The following WNT5A variants were observed in gnomAD, a reference collection of about 807,000 sequenced individuals.
WNT5A encodes protein Wnt-5a.
In WNT5A, 9 loss-of-function variants were observed where a neutral mutation model predicts 42.1. The ratio of observed to expected loss-of-function variants is 0.21; its 90% CI spans 0.13 to 0.37. The LOEUF is 0.37. WNT5A is among the 10% of genes least tolerant of loss of function. The pLI, the probability that WNT5A is intolerant of heterozygous loss-of-function variation, is 1.00. For synonymous variants in WNT5A, 210 were observed against 210.0 expected (o/e 1.00, Z 0.00); for missense variants, 426 against 534.0 (o/e 0.80, Z 1.99).
chr3:55,473,340 T>A (rs1242299063), intron 4 of WNT5A, among the ~76,000 whole-genome samples: 1 of 152,186 alleles, frequency 6.6e-6, no homozygotes, highest in Non-Finnish European at 1.5e-5. Flanking sequence ...ACCAGAAAGT[T>A]CCTGGCACCT....
At chr3:55,488,201 G>T, upstream of WNT5A, 1 of 152,798 alleles carries the variant, frequency 6.5e-6, no homozygotes, top group South Asian at 1.9e-4. Flanking sequence ...AGGGCTCGCT[G>T]GGCAGCTGCC....
chr3:55,483,930 C>T lies in WNT5A; in HGVS notation c.7-3012G>A, dbSNP rs2051518552. Among the ~76,000 whole-genome samples the T allele has an allele frequency of 2.0e-5, 3 of 151,926 alleles. No individual in the cohort carries two copies. The highest frequency in any genetic ancestry group is 2.9e-5 in the Non-Finnish European group (2 of 67,994). ...GCAGCCGGATGCACACCTAAAGTCT[C>T]GCAACACCCAACTCCTCCTCCGCAG... On this transcript the variant is annotated intron_variant, in intron 1 of 4. Transcript: ENST00000264634. The surrounding 1 kb of genome is among the most constrained non-coding windows in gnomAD (Gnocchi z 4.2).
chr3:55,496,871 A>G, the WNT5A span, among the ~76,000 whole-genome samples: 1 of 152,250 alleles, frequency 6.6e-6, no homozygotes, highest in Non-Finnish European at 1.5e-5. Flanking sequence ...GCTACAAAAA[A>G]TAAATCGAAG....
the WNT5A span, among the ~76,000 whole-genome samples, chr3:55,498,971 G>A: frequency 2.0e-5 from 3 of 152,156 alleles, no homozygotes; most frequent in South Asian, 6.2e-4. Flanking sequence ...TTCTGACCTC[G>A]TTAGAGCCCT....
the WNT5A span, among the ~76,000 whole-genome samples, chr3:55,498,364 A>G: frequency 6.6e-6 from 1 of 152,196 alleles, no homozygotes; most frequent in African/African-American, 2.4e-5. Flanking sequence ...ATGGTGAACT[A>G]AATGAGCCGC....
chr3:55,486,323 T>G (rs1337517006), intron 1 of WNT5A, among the ~76,000 whole-genome samples: 1 of 152,056 alleles, frequency 6.6e-6, no homozygotes, highest in Non-Finnish European at 1.5e-5. Context: ...CGGCTAATAA[T>G]GCTAATAACG....
At chr3:55,496,031 C>T in the WNT5A span, among the ~76,000 whole-genome samples, 8 of 152,134 alleles carry the variant, frequency 5.3e-5, no homozygotes, top group South Asian at 2.1e-4. Context: ...AGAAATTTTA[C>T]GTTTTTTTGA....
the WNT5A span, among the ~76,000 whole-genome samples, chr3:55,495,608 C>T: frequency 3.9e-5 from 6 of 152,068 alleles, no homozygotes; most frequent in Admixed American, 2.6e-4. Context: ...AAGTTGATTC[C>T]ATATCTCCAT....
the WNT5A span, chr3:55,501,683 C>T: frequency 6.6e-6 from 1 of 152,152 alleles, no homozygotes; most frequent in Non-Finnish European, 1.5e-5. Flanking sequence ...GTTGTATAAT[C>T]CAAAGTCATC....
the WNT5A span, among the ~76,000 whole-genome samples, chr3:55,502,880 T>G: frequency 3.3e-5 from 5 of 152,356 alleles, no homozygotes; most frequent in South Asian, 6.2e-4. Flanking sequence ...CTATTCAAAC[T>G]GAAGGCTTAT....
At chr3:55,489,615 C>G (rs925523803), upstream of WNT5A, among the ~76,000 whole-genome samples, 1 of 152,166 alleles carries the variant, frequency 6.6e-6, no homozygotes, top group African/African-American at 2.4e-5. Context: ...GAGACAGATG[C>G]TCCTGCTTAG....
At position 55,474,397 on chromosome 3, in the gene WNT5A, C is replaced by T; in HGVS notation, c.624G>A (p.Lys208=). 1 of 1,612,772 alleles carries T rather than the reference C, an allele frequency of 6.2e-7. No homozygotes were observed. The highest frequency in any genetic ancestry group is 8.5e-7 in the Non-Finnish European group (1 of 1,179,744). Residue 208 remains lysine, a synonymous_variant, in exon 4 of 5, where the codon AAG becomes AAA. Transcript: ENST00000264634. ...GGATGCGAGCACTCTCGTAGGAGCC[C>T]TTGGCGTGGATGCGCTCCCGCTCGC... The part of the protein sequence containing the change: ...DARERERIHA[K]GSYESARILM...
chr3:55,481,146 G>T, intron 1 of WNT5A: 1 of 671,086 alleles, frequency 1.5e-6, no homozygotes, highest in Non-Finnish European at 2.1e-6. Flanking sequence ...TGTGCGCGGG[G>T]CACGCCAGCG....
At chr3:55,498,052 C>T in the WNT5A span, among the ~76,000 whole-genome samples, 2 of 152,152 alleles carry the variant, frequency 1.3e-5, no homozygotes, top group Non-Finnish European at 2.9e-5. Flanking sequence ...TGTCATACAT[C>T]TCATGAAGGG....
chr3:55,481,356 GAATT>G, intron 1 of WNT5A: 1 of 986,256 alleles, frequency 1.0e-6, no homozygotes, highest in East Asian at 1.1e-4. Flanking sequence ...AGTGGAGCCA[GAATT>G]AATTCCATGG....
intron 4 of WNT5A, among the ~76,000 whole-genome samples, chr3:55,471,301 C>T (rs1559552381): frequency 6.6e-6 from 1 of 152,276 alleles, no homozygotes; most frequent in South Asian, 2.1e-4. Flanking sequence ...GGGGACTGCG[C>T]CTGGAACTCA....
the WNT5A span, among the ~76,000 whole-genome samples, chr3:55,497,741 C>T: frequency 6.6e-6 from 1 of 151,974 alleles, no homozygotes; most frequent in Non-Finnish European, 1.5e-5. Context: ...TTAAATGAGC[C>T]CTGTAAATCA....
rs1559548952 is a variant in WNT5A at position 55,466,896 on chromosome 3, T to C, written c.*3196A>G. 1 of 152,532 alleles carries C rather than the reference T, an allele frequency of 6.6e-6. No individual in the cohort carries two copies. Among genetic ancestry groups the C allele is most frequent in the Non-Finnish European group, 1.5e-5 (1 of 68,026 alleles). 9.4% of individuals were successfully genotyped at this position (152,532 alleles called of 1,614,324 possible). ...GTTTTTTTGTGGAATAATGCATTCT[T>C]GGCATCCTTAAAAGGTTTCAATATG... On this transcript the variant is annotated 3_prime_UTR_variant, in exon 5 of 5. Transcript: ENST00000264634.
At position 55,479,308 on chromosome 3, in the gene WNT5A, T is replaced by A; in HGVS notation, c.391+6A>T. On this transcript the variant is annotated splice_donor_region_variant and intron_variant, in intron 3 of 4. Coordinates refer to ENST00000264634, the MANE Select transcript of WNT5A (RefSeq NM_003392.7). ...TTTTAAAAAAATATTTTAAATGTTT[T>A]CCTACCTATCTGCATCACCCTGCCA... The A allele has an allele frequency of 6.6e-7, 1 of 1,514,154 alleles. No individual in the cohort carries two copies. Among genetic ancestry groups the A allele is most frequent in the Non-Finnish European group, 8.9e-7 (1 of 1,128,996 alleles). The allele number at this position is 1,514,154 out of a possible 1,614,324, so 93.8% of individuals were successfully genotyped here.
Sources: gnomAD v4.1 joint callset for allele counts (sites outside exome capture counted in the v4.1 genomes callset) on GRCh38, gnomAD v4.1.1 for gene constraint, Gnocchi (gnomAD v3.1) non-coding constraint, MANE v1.5 for transcripts, NCBI Gene and HGNC (gene_info 2026-07-23, HGNC 2026-07-21) for gene names.